Variants in LDB2 observed in about 807,000 individuals in gnomAD.
LDB2 encodes the protein LIM domain binding 2.
A neutral mutation model predicts 44.3 loss-of-function variants in LDB2; 12 were observed. The ratio of observed to expected loss-of-function variants is 0.27; its 90% confidence interval spans 0.17 to 0.44. The LOEUF is 0.44. LDB2 is among the 20% of genes least tolerant of loss of function. The probability of loss-of-function intolerance (pLI) is 1.00; values close to 1 mark genes in which losing one functional copy is unlikely to be tolerated. For synonymous variants in LDB2, 164 were observed against 174.8 expected (o/e 0.94, Z 0.49); for missense variants, 344 against 473.5 (o/e 0.73, Z 2.54).
intron 2 of LDB2, among the ~76,000 whole-genome samples, chr4:16,724,721 T>C (rs1236144155): frequency 1.3e-5 from 2 of 152,190 alleles, no homozygotes; most frequent in Non-Finnish European, 2.9e-5. Flanking sequence ...GAGCAGATAT[T>C]GTATCCAAAT....
At chr4:16,747,706 C>T (rs1764671414) in intron 2 of LDB2, among the ~76,000 whole-genome samples, 2 of 151,972 alleles carry the variant, frequency 1.3e-5, no homozygotes, top group Admixed American at 1.3e-4. Flanking sequence ...ATTCTGAAAA[C>T]ACAGACACAA....
At chr4:16,568,972 C>A (rs1008269413) in intron 5 of LDB2, among the ~76,000 whole-genome samples, 1 of 152,174 alleles carries the variant, frequency 6.6e-6, no homozygotes, top group African/African-American at 2.4e-5. Context: ...AATTCCAAAA[C>A]TTATGAAGTT....
Position 16,695,443 on chromosome 4 carries a change from C to T in LDB2, c.235+63715G>A, listed in dbSNP as rs148290084. On this transcript the variant is annotated intron_variant, in intron 2 of 7. Coordinates refer to ENST00000304523, the MANE Select transcript of LDB2 (RefSeq NM_001290.5). Reference sequence around the variant, plus strand: ...CCGCTGCACTCCAGCCTTGGCAAGACAGAGCAAGACTCTGTCAAAAAAAAA... The same window carrying T: ...CCGCTGCACTCCAGCCTTGGCAAGATAGAGCAAGACTCTGTCAAAAAAAAA... Among the ~76,000 whole-genome samples the T allele has an allele frequency of 4.4e-3, 641 of 147,266 alleles. 5 individuals carry two copies. The highest frequency in any genetic ancestry group is 0.015 in the African/African-American group (610 of 39,846).
intron 2 of LDB2, among the ~76,000 whole-genome samples, chr4:16,640,138 G>T (rs942109427): frequency 5.9e-5 from 9 of 152,132 alleles, no homozygotes; most frequent in African/African-American, 2.2e-4. Context: ...ATGTCAGTTG[G>T]AATGCATTAC....
intron 7 of LDB2, 57 bp downstream of exon 7, chr4:16,508,478 C>T: frequency 1.4e-6 from 2 of 1,393,684 alleles, no homozygotes; most frequent in Non-Finnish European, 1.9e-6. Context: ...AATTTGGGCC[C>T]TTTGAGTAGG....
chr4:16,665,909 A>G (rs150419243), intron 2 of LDB2, among the ~76,000 whole-genome samples: 53 of 152,254 alleles, frequency 3.5e-4, no homozygotes, highest in African/African-American at 1.3e-3. Flanking sequence ...GTGAAGAAGG[A>G]GGCAGAGATT....
At chr4:16,860,322 A>C (rs1418759412) in intron 1 of LDB2, among the ~76,000 whole-genome samples, 1 of 152,210 alleles carries the variant, frequency 6.6e-6, no homozygotes, top group Non-Finnish European at 1.5e-5. Flanking sequence ...AGAAACTTTG[A>C]TCTTTCAGGT....
At chr4:16,734,473 G>T (rs1201216270) in intron 2 of LDB2, among the ~76,000 whole-genome samples, 1 of 152,268 alleles carries the variant, frequency 6.6e-6, no homozygotes, top group Non-Finnish European at 1.5e-5. Context: ...TGAATGAAAT[G>T]AGACTTCATT....
Position 16,728,256 on chromosome 4 carries a change from A to T in LDB2, c.235+30902T>A, listed in dbSNP as rs532015830. Among the ~76,000 whole-genome samples, 13 of 152,330 alleles carry T rather than the reference A, an allele frequency of 8.5e-5. No homozygotes were observed. In the East Asian group the frequency reaches 2.5e-3, roughly 29 times the overall value. On this transcript the variant is annotated intron_variant, in intron 2 of 7. Transcript: ENST00000304523. ...TAGAAAAGCTTGGGGAGGGAAGAGT[A>T]AATCCTTCATGCAACAAGAAGATCT...
At chr4:16,557,590 G>T (rs1740219954) in intron 5 of LDB2, among the ~76,000 whole-genome samples, 1 of 152,246 alleles carries the variant, frequency 6.6e-6, no homozygotes, top group Non-Finnish European at 1.5e-5. Context: ...CCACACCACA[G>T]CTCAAGGAGG....
At chr4:16,659,980 C>G (rs541952468) in intron 2 of LDB2, among the ~76,000 whole-genome samples, 2 of 152,060 alleles carry the variant, frequency 1.3e-5, no homozygotes, top group African/African-American at 4.8e-5. Flanking sequence ...ATCTTTAGAC[C>G]AGTGGATGTC....
chr4:16,715,844 G>T (rs1187444032), intron 2 of LDB2, among the ~76,000 whole-genome samples: 3 of 152,136 alleles, frequency 2.0e-5, no homozygotes, highest in Non-Finnish European at 4.4e-5. Context: ...TGGAAGTGGT[G>T]GTGCTGCTGC....
At chr4:16,631,210 A>G (rs940602231) in intron 2 of LDB2, among the ~76,000 whole-genome samples, 1 of 152,224 alleles carries the variant, frequency 6.6e-6, no homozygotes, top group African/African-American at 2.4e-5. Context: ...CAAAGGTAAA[A>G]GAACAGAAAT....
intron 1 of LDB2, among the ~76,000 whole-genome samples, chr4:16,759,774 AT>A (rs745467232): frequency 9.1e-4 from 139 of 152,308 alleles, no homozygotes; most frequent in Admixed American, 4.6e-3. Flanking sequence ...GGATGGATAG[AT>A]TGATAGAGAA....
At chr4:16,710,311 A>C (rs2152657939) in intron 2 of LDB2, among the ~76,000 whole-genome samples, 1 of 152,332 alleles carries the variant, frequency 6.6e-6, no homozygotes, top group East Asian at 1.9e-4. Flanking sequence ...GGCCATGAAT[A>C]CATACAGTCT....
At chr4:16,766,012 C>A (rs1054104898) in intron 1 of LDB2, among the ~76,000 whole-genome samples, 1 of 152,038 alleles carries the variant, frequency 6.6e-6, no homozygotes, top group Non-Finnish European at 1.5e-5. Context: ...AAATAGAGAA[C>A]AAAAGAGAAT....
rs1303109522 is a variant in LDB2, at chr4:16,502,493, G to GAAGA, written c.*146_*149dup. On this transcript the variant is annotated 3_prime_UTR_variant, in exon 8 of 8. Transcript: ENST00000304523. ...ATCCTCTCAATTAGAAAAAAAGAAA[G>GAAGA]AAGAAAGAAAATCAGATCATTGTGG... 4 of 1,160,656 alleles carry GAAGA rather than the reference G, an allele frequency of 3.4e-6. No homozygotes were observed. The Admixed American group carries it at 9.3e-5, about 27-fold the overall frequency. The allele number at this position is 1,160,656 out of a possible 1,614,324, so 71.9% of individuals were successfully genotyped here. A position where few individuals can be genotyped will look rare whatever the true frequency, so the allele number is the denominator to read the frequency against.
At chr4:16,599,677 G>A (rs1477890036) in intron 2 of LDB2, among the ~76,000 whole-genome samples, 1 of 152,098 alleles carries the variant, frequency 6.6e-6, no homozygotes, top group Non-Finnish European at 1.5e-5. Flanking sequence ...CGCACGCAAT[G>A]TGCAATATAT....
chr4:16,651,607 C>T (rs1196791219), intron 2 of LDB2, among the ~76,000 whole-genome samples: 2 of 151,488 alleles, frequency 1.3e-5, no homozygotes, highest in Non-Finnish European at 1.5e-5. Context: ...AATGTCTACG[C>T]TTATAATAAA....
Sources: allele counts gnomAD v4.1 joint callset (sites outside exome capture counted in the v4.1 genomes callset), GRCh38; gene constraint gnomAD v4.1.1; transcripts MANE v1.5; gene names NCBI Gene and HGNC (gene_info 2026-07-23, HGNC 2026-07-21).